NKAIN2: variants seen among roughly 807,000 people sequenced by gnomAD.
NKAIN2 encodes sodium/potassium-transporting ATPase subunit beta-1-interacting protein 2.
A neutral mutation model predicts 32.6 loss-of-function variants in NKAIN2; 14 were observed. The ratio of observed to expected loss-of-function variants is 0.43; its 90% CI spans 0.28 to 0.67. NKAIN2 has a LOEUF of 0.67. Ranked by LOEUF, NKAIN2 falls within the 30% of genes least tolerant of loss-of-function variation. The pLI is 0.17. For missense variants in NKAIN2, 198 were observed against 258.3 expected (o/e 0.77, Z 1.60); for synonymous variants, 80 against 87.2 (o/e 0.92, Z 0.46).
At chr6:123,835,600 C>A (rs1308935032) in intron 1 of NKAIN2, among the ~76,000 whole-genome samples, 1 of 152,118 alleles carries the variant, frequency 6.6e-6, no homozygotes, top group African/African-American at 2.4e-5. Flanking sequence ...TGTGCAGACA[C>A]AGAGAGACAT....
At chr6:124,417,599 C>T (rs1486088745) in intron 3 of NKAIN2, among the ~76,000 whole-genome samples, 8 of 152,110 alleles carry the variant, frequency 5.3e-5, no homozygotes, top group Non-Finnish European at 1.2e-4. Context: ...GTAGACCAAA[C>T]GTCCTAATAC....
intron 6 of NKAIN2, chr6:124,818,936 A>G (rs1045545432): frequency 2.0e-5 from 3 of 152,682 alleles, no homozygotes; most frequent in Non-Finnish European, 4.4e-5. Flanking sequence ...AAGAAAATAA[A>G]AAACTGAGTA....
intron 1 of NKAIN2, among the ~76,000 whole-genome samples, chr6:124,185,282 C>T (rs1420140360): frequency 6.6e-6 from 1 of 152,042 alleles, no homozygotes; most frequent in African/African-American, 2.4e-5. Context: ...AAAAACAAAA[C>T]ATTTTCAATT....
intron 3 of NKAIN2, among the ~76,000 whole-genome samples, chr6:124,513,270 A>G (rs1039323350): frequency 1.1e-4 from 16 of 152,316 alleles, no homozygotes; most frequent in African/African-American, 3.1e-4. Context: ...ATTTTCTACT[A>G]TTGGATAAAA....
At chr6:124,313,357 C>A (rs1484844448) in intron 2 of NKAIN2, among the ~76,000 whole-genome samples, 2 of 152,008 alleles carry the variant, frequency 1.3e-5, no homozygotes, top group African/African-American at 2.4e-5. Context: ...TGTCTGATAT[C>A]TATTGCCTGT....
intron 3 of NKAIN2, among the ~76,000 whole-genome samples, chr6:124,593,539 G>A (rs1467023092): frequency 6.6e-6 from 1 of 152,092 alleles, no homozygotes; most frequent in Non-Finnish European, 1.5e-5. Context: ...GCTGAAAGAG[G>A]AAGCGATACT....
intron 3 of NKAIN2, among the ~76,000 whole-genome samples, chr6:124,523,467 A>G (rs1779199273): frequency 6.7e-6 from 1 of 149,404 alleles, no homozygotes; most frequent in African/African-American, 2.5e-5. Flanking sequence ...ACTTTTCCCC[A>G]AGGATTCACC....
intron 4 of NKAIN2, among the ~76,000 whole-genome samples, chr6:124,779,161 T>G (rs887783378): frequency 9.2e-5 from 14 of 151,572 alleles, no homozygotes; most frequent in Admixed American, 6.6e-4. Context: ...GGAGAATCAG[T>G]TGAGCCCTGG....
intron 2 of NKAIN2, among the ~76,000 whole-genome samples, chr6:124,318,312 C>T (rs964754312): frequency 2.0e-5 from 3 of 151,894 alleles, no homozygotes; most frequent in African/African-American, 7.3e-5. Flanking sequence ...CACTTTGCCT[C>T]AGCTACTGAT....
At chr6:124,544,773 C>T (rs547955568) in intron 3 of NKAIN2, among the ~76,000 whole-genome samples, 1 of 152,102 alleles carries the variant, frequency 6.6e-6, no homozygotes, top group African/African-American at 2.4e-5. Flanking sequence ...ATTTGAAATG[C>T]CCCAAAACTT....
chr6:124,179,475 A>G (rs950665547), intron 1 of NKAIN2, among the ~76,000 whole-genome samples: 8 of 152,278 alleles, frequency 5.3e-5, no homozygotes, highest in African/African-American at 1.9e-4. Flanking sequence ...AACAATTGAT[A>G]GAAATGTAAA....
intron 4 of NKAIN2, among the ~76,000 whole-genome samples, chr6:124,732,134 G>GA (rs969354843): frequency 3.0e-4 from 45 of 151,266 alleles, no homozygotes; most frequent in African/African-American, 7.8e-4. Flanking sequence ...ATAGAGATGA[G>GA]AAAAAAAAAT....
chr6:124,221,350 G>A (rs1243527980), intron 1 of NKAIN2, among the ~76,000 whole-genome samples: 1 of 140,580 alleles, frequency 7.1e-6, no homozygotes, highest in East Asian at 2.2e-4. Flanking sequence ...GGTGGGAATT[G>A]AACAATGAGA....
chr6:123,937,553 T>C (rs1776575509), intron 1 of NKAIN2, among the ~76,000 whole-genome samples: 1 of 152,128 alleles, frequency 6.6e-6, no homozygotes, highest in African/African-American at 2.4e-5. Flanking sequence ...TTCTATAAAT[T>C]GCTTCATCAT....
intron 2 of NKAIN2, among the ~76,000 whole-genome samples, chr6:124,330,359 G>A: frequency 6.6e-6 from 1 of 152,174 alleles, no homozygotes; most frequent in East Asian, 1.9e-4. Flanking sequence ...AGGAACAATT[G>A]TAATGGAATG....
chr6:124,396,368 A>T (rs1773377741), intron 3 of NKAIN2, among the ~76,000 whole-genome samples: 1 of 151,470 alleles, frequency 6.6e-6, no homozygotes, highest in South Asian at 2.1e-4. Flanking sequence ...AGGAATTGAT[A>T]CAATAAAATG....
intron 1 of NKAIN2, among the ~76,000 whole-genome samples, chr6:124,135,865 G>C (rs1786756191): frequency 6.6e-6 from 1 of 151,958 alleles, no homozygotes; most frequent in East Asian, 1.9e-4. Flanking sequence ...CAAAACCTCT[G>C]GGATACAGCA....
At chr6:124,091,667 T>C (rs182330650) in intron 1 of NKAIN2, among the ~76,000 whole-genome samples, 108 of 152,096 alleles carry the variant, frequency 7.1e-4, no homozygotes, top group African/African-American at 2.4e-3. Flanking sequence ...CATTATTTTT[T>C]TTTTCCCCCC....
intron 1 of NKAIN2, among the ~76,000 whole-genome samples, chr6:124,072,475 A>G (rs996203562): frequency 1.3e-5 from 2 of 152,192 alleles, no homozygotes; most frequent in African/African-American, 2.4e-5. Context: ...AGTTGAAATT[A>G]TTTTAAAAAA....
Sources: gnomAD v4.1 joint callset for allele counts (sites outside exome capture counted in the v4.1 genomes callset) on GRCh38, gnomAD v4.1.1 for gene constraint, MANE v1.5 for transcripts, NCBI Gene and HGNC (gene_info 2026-07-23, HGNC 2026-07-21) for gene names.